PDE4B: variants seen among roughly 807,000 people sequenced by gnomAD.
PDE4B encodes the protein 3',5'-cyclic-AMP phosphodiesterase 4B.
Under a neutral mutation model 82.2 loss-of-function variants are expected in PDE4B, and 20 were observed. That is an observed-to-expected ratio of 0.24 (90% CI 0.17 to 0.35). PDE4B has a LOEUF of 0.35. Among genes scored for constraint, PDE4B ranks in the 10% least tolerant of loss-of-function variants. The pLI is 1.00. For synonymous variants in PDE4B, 320 were observed against 318.9 expected, an observed-to-expected ratio of 1.00 and a Z score of -0.04; for missense variants, 655 against 907.2, an observed-to-expected ratio of 0.72 and a Z score of 3.57.
chr1:66,317,329 C>G (rs151324637), intron 7 of PDE4B, among the ~76,000 whole-genome samples: 1 of 152,188 alleles, frequency 6.6e-6, no homozygotes, highest in Non-Finnish European at 1.5e-5. Context: ...CCATCCCTCA[C>G]CACCTCTGCT....
intron 3 of PDE4B, among the ~76,000 whole-genome samples, chr1:66,073,015 C>CT (rs35522900): frequency 0.077 from 11,352 of 146,954 alleles, 786 homozygotes; most frequent in East Asian, 0.26. Context: ...GCCTTTAGCC[C>CT]TTTTTTTTTT....
intron 3 of PDE4B, among the ~76,000 whole-genome samples, chr1:66,200,733 A>G (rs78367536): frequency 0.49 from 74,103 of 151,996 alleles, 19,189 homozygotes; most frequent in South Asian, 0.63. Context: ...TTATCAGCTT[A>G]AGGAGATTTT....
intron 7 of PDE4B, among the ~76,000 whole-genome samples, chr1:66,288,716 T>G (rs181100430): frequency 6.6e-6 from 1 of 152,140 alleles, no homozygotes; most frequent in East Asian, 1.9e-4. Flanking sequence ...AAGAGCTTCA[T>G]CAAGGACAAG....
intron 3 of PDE4B, among the ~76,000 whole-genome samples, chr1:66,142,866 C>T (rs1646200140): frequency 6.6e-6 from 1 of 152,152 alleles, no homozygotes; most frequent in Non-Finnish European, 1.5e-5. Flanking sequence ...AGGTTTCCTT[C>T]AATACTCAGT....
rs1650663604 is a variant in PDE4B at position 66,218,252 on chromosome 1, A to G, written c.282-29208A>G. Among the ~76,000 whole-genome samples, 3 of 152,128 alleles carry G rather than the reference A, an allele frequency of 2.0e-5. No individual in the cohort carries two copies. In the South Asian group the frequency reaches 6.2e-4, roughly 32 times the overall value. ...GGTTACTCCTAAGTGATGTCGGCCG[A>G]TATCTCAAATGCAGTGACAGAGAGG... On this transcript the variant is annotated intron_variant, in intron 3 of 16. Coordinates refer to ENST00000341517, the MANE Select transcript of PDE4B (RefSeq NM_002600.4).
At chr1:66,256,171 G>A (rs1204153918) in intron 4 of PDE4B, among the ~76,000 whole-genome samples, 2 of 152,142 alleles carry the variant, frequency 1.3e-5, no homozygotes, top group African/African-American at 4.8e-5. Flanking sequence ...GCTAGACCCT[G>A]TCTCAAAACA....
chr1:66,210,580 A>G (rs1307786316), intron 3 of PDE4B, among the ~76,000 whole-genome samples: 1 of 122,814 alleles, frequency 8.1e-6, no homozygotes, highest in Non-Finnish European at 1.6e-5. Context: ...TGGGTGACAG[A>G]GTGAGACTCC....
chr1:66,005,099 G>T (rs189020671), intron 3 of PDE4B, among the ~76,000 whole-genome samples: 1 of 151,938 alleles, frequency 6.6e-6, no homozygotes. Context: ...CTTAAGTGCC[G>T]CAGGTGTATT....
chr1:66,355,477 A>G lies in PDE4B; in HGVS notation c.748-50A>G, dbSNP rs75814276. 3.2e-3 allele frequency: 3,826 copies of G among 1,179,846 alleles called. 95 individuals are homozygous for G. The African/African-American group carries it at 0.052, about 16-fold the overall frequency. The allele number at this position is 1,179,846 out of a possible 1,614,324, so 73.1% of individuals were successfully genotyped here. On this transcript the variant is annotated intron_variant, in intron 8 of 16. Coordinates refer to ENST00000341517, the MANE Select transcript of PDE4B (RefSeq NM_002600.4). ...GTAAAGTTGGAAACATTTAAAATGA[A>G]CATTTGCTCTTTTTAAAGTGGTTAA...
chr1:66,045,925 G>A (rs1654687420), intron 3 of PDE4B, among the ~76,000 whole-genome samples: 1 of 151,788 alleles, frequency 6.6e-6, no homozygotes, highest in African/African-American at 2.4e-5. Flanking sequence ...AGGGCAGGCT[G>A]TAAGGGTGAG....
chr1:66,228,337 G>A (rs1219232437), intron 3 of PDE4B, among the ~76,000 whole-genome samples: 2 of 152,120 alleles, frequency 1.3e-5, no homozygotes, highest in Non-Finnish European at 2.9e-5. Context: ...CCCATGACAT[G>A]CATTAGGGTT....
chr1:65,977,751 T>C (rs1270615607), intron 3 of PDE4B, among the ~76,000 whole-genome samples: 1 of 152,244 alleles, frequency 6.6e-6, no homozygotes, highest in Non-Finnish European at 1.5e-5. Flanking sequence ...CTCTTTGCTC[T>C]GAAAAGCTTG....
chr1:66,121,692 C>G (rs1645712037), intron 3 of PDE4B, among the ~76,000 whole-genome samples: 1 of 152,134 alleles, frequency 6.6e-6, no homozygotes, highest in Admixed American at 6.6e-5. Flanking sequence ...GGGAAAGCAG[C>G]CGAATACAGT....
chr1:66,258,706 A>G (rs532474221), intron 6 of PDE4B, among the ~76,000 whole-genome samples: 4 of 152,272 alleles, frequency 2.6e-5, no homozygotes, highest in South Asian at 2.1e-4. Flanking sequence ...CAAAACCTGT[A>G]TCTAATTTTT....
chr1:65,897,991 A>C (rs1646929617), intron 1 of PDE4B, among the ~76,000 whole-genome samples: 5 of 151,888 alleles, frequency 3.3e-5, no homozygotes, highest in Admixed American at 3.3e-4. Flanking sequence ...CAATCTTGCA[A>C]TCATCTGTTA....
At chr1:66,122,339 A>G (rs184607674) in intron 3 of PDE4B, among the ~76,000 whole-genome samples, 2 of 152,298 alleles carry the variant, frequency 1.3e-5, no homozygotes, top group Admixed American at 6.5e-5. Flanking sequence ...TTTTTTTCAC[A>G]TTTATCCTCA....
intron 8 of PDE4B, among the ~76,000 whole-genome samples, chr1:66,338,631 CTAAGA>C (rs1428500456): frequency 3.3e-5 from 5 of 152,184 alleles, no homozygotes; most frequent in Non-Finnish European, 5.9e-5. Flanking sequence ...CCAACATAGC[CTAAGA>C]TAAGATAGTA....
intron 3 of PDE4B, among the ~76,000 whole-genome samples, chr1:65,948,235 G>C (rs933037719): frequency 6.6e-6 from 1 of 151,614 alleles, no homozygotes; most frequent in Non-Finnish European, 1.5e-5. Context: ...TTTGGACTCC[G>C]GTTGCTAGTT....
intron 1 of PDE4B, among the ~76,000 whole-genome samples, chr1:65,813,893 C>CAA (rs5774766): frequency 0.03 from 3,079 of 103,298 alleles, 61 homozygotes; most frequent in Middle Eastern, 0.063. Flanking sequence ...GGCACTGCGG[C>CAA]AAAAAAAAAA....
Sources: gnomAD v4.1 joint callset for allele counts (sites outside exome capture counted in the v4.1 genomes callset) on GRCh38, gnomAD v4.1.1 for gene constraint, MANE v1.5 for transcripts, NCBI Gene and HGNC (gene_info 2026-07-23, HGNC 2026-07-21) for gene names.